The following HTR1F variants were observed in gnomAD, a reference collection of about 807,000 sequenced individuals.
The protein encoded by HTR1F is 5-hydroxytryptamine (serotonin) receptor 1F, G protein-coupled.
Under a neutral mutation model 24.0 loss-of-function variants are expected in HTR1F, and 17 were observed. That is an observed-to-expected ratio of 0.71 (90% CI 0.48 to 1.06). HTR1F has a LOEUF of 1.06. Among genes scored for constraint, HTR1F ranks in the 50% least tolerant of loss-of-function variants. The probability of loss-of-function intolerance (pLI) is 0.00; values close to 1 mark genes in which losing one functional copy is unlikely to be tolerated. For synonymous variants in HTR1F, 186 were observed against 156.8 expected, an observed-to-expected ratio of 1.19 and a Z score of -1.39; for missense variants, 391 against 427.8, an observed-to-expected ratio of 0.91 and a Z score of 0.76.
At chr3:87,892,373 GATT>G (rs1706103955) in intron 2 of HTR1F, among the ~76,000 whole-genome samples, 1 of 151,102 alleles carries the variant, frequency 6.6e-6, no homozygotes, top group South Asian at 2.1e-4. Flanking sequence ...TATTTCCATT[GATT>G]ATTAAAATTT....
At position 87,900,984 on chromosome 3, in the gene HTR1F, T is replaced by G. The variant is rs1706308363; in HGVS notation, c.-43+78860T>G. Among the ~76,000 whole-genome samples the G allele has an allele frequency of 2.0e-5, 3 of 152,202 alleles. No homozygotes were observed. In the South Asian group the frequency reaches 6.2e-4, roughly 32 times the overall value. On this transcript the variant is annotated intron_variant, in intron 2 of 2. Coordinates refer to ENST00000319595, the MANE Select transcript of HTR1F (RefSeq NM_001322209.2). ...ACATACATAGTAAGAAATGCCATGA[T>G]AGTACACATAGAGGAGAACGACATC...
At chr3:87,911,855 A>G (rs1441102843) in intron 2 of HTR1F, among the ~76,000 whole-genome samples, 1 of 152,178 alleles carries the variant, frequency 6.6e-6, no homozygotes, top group Non-Finnish European at 1.5e-5. Flanking sequence ...GGCTTTCAAT[A>G]AAATTCAACT....
At chr3:87,945,832 G>T (rs116127967) in intron 2 of HTR1F, among the ~76,000 whole-genome samples, 1 of 151,964 alleles carries the variant, frequency 6.6e-6, no homozygotes, top group Admixed American at 6.6e-5. Context: ...GGCTTTAGAG[G>T]TCCCTTCTTG....
intron 2 of HTR1F, among the ~76,000 whole-genome samples, chr3:87,880,524 C>G (rs1461595489): frequency 2.6e-5 from 4 of 152,040 alleles, no homozygotes; most frequent in Admixed American, 2.6e-4. Flanking sequence ...AACTGGATTA[C>G]TCTATTTACA....
At chr3:87,899,923 G>C (rs1027372020) in intron 2 of HTR1F, among the ~76,000 whole-genome samples, 1 of 152,092 alleles carries the variant, frequency 6.6e-6, no homozygotes, top group Non-Finnish European at 1.5e-5. Context: ...ATGCATCAAT[G>C]AGTCAAATAA....
chr3:87,914,435 G>A (rs1559629525), intron 2 of HTR1F, among the ~76,000 whole-genome samples: 1 of 152,078 alleles, frequency 6.6e-6, no homozygotes, highest in Admixed American at 6.6e-5. Context: ...CAGCTGAGGT[G>A]GGTATCCTGG....
At chr3:87,941,642 G>T (rs554039379) in intron 2 of HTR1F, among the ~76,000 whole-genome samples, 1 of 152,178 alleles carries the variant, frequency 6.6e-6, no homozygotes, top group East Asian at 1.9e-4. Context: ...GAGTAAAACC[G>T]TCCAGGTGAG....
chr3:87,926,587 AG>A (rs1268307460), intron 2 of HTR1F, among the ~76,000 whole-genome samples: 2 of 152,174 alleles, frequency 1.3e-5, no homozygotes, highest in African/African-American at 4.8e-5. Flanking sequence ...TAAATGAAAA[AG>A]TATTATTAAA....
intron 2 of HTR1F, among the ~76,000 whole-genome samples, chr3:87,897,456 G>A (rs575010153): frequency 6.6e-6 from 1 of 151,792 alleles, no homozygotes; most frequent in African/African-American, 2.4e-5. Flanking sequence ...CAGATAAGAG[G>A]GCTTATTCAG....
At chr3:87,878,142 G>A (rs939796359) in intron 2 of HTR1F, among the ~76,000 whole-genome samples, 7 of 152,114 alleles carry the variant, frequency 4.6e-5, no homozygotes, top group African/African-American at 1.7e-4. Flanking sequence ...GAGGACTTTT[G>A]TAACCAATAA....
chr3:87,888,670 T>C (rs1706012280), intron 2 of HTR1F, among the ~76,000 whole-genome samples: 1 of 152,174 alleles, frequency 6.6e-6, no homozygotes, highest in South Asian at 2.1e-4. Context: ...GCTATAAGCA[T>C]AAGCTCTGCA....
intron 2 of HTR1F, among the ~76,000 whole-genome samples, chr3:87,981,261 C>T (rs2107513361): frequency 6.6e-6 from 1 of 152,286 alleles, no homozygotes; most frequent in South Asian, 2.1e-4. Flanking sequence ...GTGGTGCAAT[C>T]TCAGCTTACT....
intron 2 of HTR1F, among the ~76,000 whole-genome samples, chr3:87,894,624 A>G (rs527700469): frequency 3.2e-5 from 4 of 125,574 alleles, no homozygotes; most frequent in Non-Finnish European, 6.3e-5. Context: ...TGGAGTGCCC[A>G]GCCTCATTTT....
intron 2 of HTR1F, among the ~76,000 whole-genome samples, chr3:87,979,149 T>G (rs1394174454): frequency 3.8e-4 from 33 of 86,396 alleles, no homozygotes; most frequent in Middle Eastern, 6.7e-3. Flanking sequence ...GGGAGGGAGA[T>G]GGGAAAGACT....
At chr3:87,822,534 T>C (rs1275088765) in intron 2 of HTR1F, among the ~76,000 whole-genome samples, 1 of 152,182 alleles carries the variant, frequency 6.6e-6, no homozygotes, top group Admixed American at 6.5e-5. Flanking sequence ...ATTTGGAAAA[T>C]TTAATGTTTT....
intron 2 of HTR1F, among the ~76,000 whole-genome samples, chr3:87,882,096 G>A (rs35877018): frequency 0.25 from 38,219 of 152,120 alleles, 7,631 homozygotes; most frequent in African/African-American, 0.56. Context: ...GCAGCCAAAA[G>A]ACACATGAAA....
intron 2 of HTR1F, among the ~76,000 whole-genome samples, chr3:87,936,607 C>A (rs1230392106): frequency 6.6e-6 from 1 of 152,002 alleles, no homozygotes; most frequent in African/African-American, 2.4e-5. Flanking sequence ...ACGGTTTCAG[C>A]AAAAGATAAG....
At chr3:87,869,205 T>A (rs769486254) in intron 2 of HTR1F, among the ~76,000 whole-genome samples, 1 of 151,994 alleles carries the variant, frequency 6.6e-6, no homozygotes, top group African/African-American at 2.4e-5. Flanking sequence ...CTGAAACACA[T>A]AGCACTTATC....
Position 87,950,227 on chromosome 3 carries a change from C to G in HTR1F, c.-42-40481C>G, listed in dbSNP as rs149696694. Among the ~76,000 whole-genome samples the G allele has an allele frequency of 3.8e-4, 58 of 152,292 alleles. 1 individual carries two copies. Among genetic ancestry groups the G allele is most frequent in the African/African-American group, 1.1e-3 (46 of 41,554 alleles). On this transcript the variant is annotated intron_variant, in intron 2 of 2. Transcript: ENST00000319595. Reference sequence around the variant, plus strand: ...ATGACCCAAACACATCCCACTGGGCCCCACCTCCCAATACTGCCAAACTGA... The same window carrying G: ...ATGACCCAAACACATCCCACTGGGCGCCACCTCCCAATACTGCCAAACTGA...
Sources: gnomAD v4.1 joint callset for allele counts (sites outside exome capture counted in the v4.1 genomes callset) on GRCh38, gnomAD v4.1.1 for gene constraint, MANE v1.5 for transcripts, NCBI Gene and HGNC (gene_info 2026-07-23, HGNC 2026-07-21) for gene names.